ASIC5: variants seen among roughly 807,000 people sequenced by gnomAD.
The protein encoded by ASIC5 is acid sensing ion channel subunit family member 5, also known as bile acid-sensitive ion channel.
ASIC5 carries 52 observed loss-of-function variants against 51.2 expected under a neutral mutation model. The ratio of observed to expected loss-of-function variants is 1.02; its 90% confidence interval spans 0.81 to 1.28. The LOEUF (loss-of-function observed/expected upper bound fraction) is 1.28, where lower values mean the gene tolerates loss of function less well. Among genes scored for constraint, ASIC5 ranks in the 50% most tolerant of loss-of-function variants. ASIC5 has a pLI of 0.00. For synonymous variants in ASIC5, 231 were observed against 200.7 expected (o/e 1.15, Z -1.28); for missense variants, 635 against 595.0 (o/e 1.07, Z -0.70).
chr4:155,850,846 T>C (rs1333193384), intron 4 of ASIC5, among the ~76,000 whole-genome samples: 2 of 152,054 alleles, frequency 1.3e-5, no homozygotes, highest in African/African-American at 4.8e-5. Context: ...AAATCTTTTG[T>C]CAGATGAAGA....
At chr4:155,850,752 C>T (rs1031223213) in intron 4 of ASIC5, among the ~76,000 whole-genome samples, 7 of 151,882 alleles carry the variant, frequency 4.6e-5, no homozygotes, top group Non-Finnish European at 7.4e-5. Flanking sequence ...AATTAAAATC[C>T]CTGCCCTTAT....
chr4:155,841,841 C>A (rs1325989534), intron 6 of ASIC5, among the ~76,000 whole-genome samples: 1 of 151,962 alleles, frequency 6.6e-6, no homozygotes, highest in African/African-American at 2.4e-5. Context: ...ATTTGTCAGT[C>A]GAAGTTGTAC....
intron 5 of ASIC5, 118 bp downstream of exon 5, chr4:155,843,563 T>G (rs1741169983): frequency 1.8e-6 from 2 of 1,108,614 alleles, no homozygotes; most frequent in Admixed American, 4.8e-5. Context: ...AAATGAAATT[T>G]TGGAATTTCT....
intron 6 of ASIC5, among the ~76,000 whole-genome samples, chr4:155,840,829 T>C (rs1741100384): frequency 6.6e-6 from 1 of 152,060 alleles, no homozygotes; most frequent in African/African-American, 2.4e-5. Flanking sequence ...ATTACTATTG[T>C]AAAAGCTAAG....
At chr4:155,852,405 A>G (rs1456581851) in intron 3 of ASIC5, 89 bp from the exon 4 acceptor site, 4 of 1,115,022 alleles carry the variant, frequency 3.6e-6, no homozygotes, top group African/African-American at 3.2e-5. Context: ...TTTAAAGCAC[A>G]AATACCTAAC....
At chr4:155,836,263 T>C (rs1410529824) in intron 8 of ASIC5, among the ~76,000 whole-genome samples, 2 of 152,222 alleles carry the variant, frequency 1.3e-5, no homozygotes, top group African/African-American at 4.8e-5. Context: ...GAACCATTTC[T>C]TAAAATACGA....
At chr4:155,861,008 C>T (rs1169319189) in intron 2 of ASIC5, among the ~76,000 whole-genome samples, 4 of 151,634 alleles carry the variant, frequency 2.6e-5, no homozygotes, top group Non-Finnish European at 5.9e-5. Flanking sequence ...TCTTCTTTGA[C>T]TTCTTTGTTA....
At chr4:155,830,148 T>A in intron 9 of ASIC5, 102 bp from the exon 10 acceptor site, 1 of 705,034 alleles carries the variant, frequency 1.4e-6, no homozygotes, top group Non-Finnish European at 2.3e-6. Context: ...ATAACTGAGA[T>A]GAAGATTGGT....
At chr4:155,853,978 G>T in intron 3 of ASIC5, 99 bp downstream of exon 3, 1 of 897,188 alleles carries the variant, frequency 1.1e-6, no homozygotes, top group South Asian at 1.6e-5. Context: ...AATTTGGATT[G>T]ATTCACCATG....
At chr4:155,855,659 A>G (rs1741517461) in intron 2 of ASIC5, among the ~76,000 whole-genome samples, 1 of 150,522 alleles carries the variant, frequency 6.6e-6, no homozygotes, top group East Asian at 1.9e-4. Context: ...TGTGTCCCAG[A>G]TTTTATTTCT....
chr4:155,863,846 A>G, intron 1 of ASIC5, 92 bp from the exon 2 acceptor site: 2 of 1,006,234 alleles, frequency 2.0e-6, no homozygotes, highest in Non-Finnish European at 2.9e-6. Flanking sequence ...ACATAATTTA[A>G]AGAGGTGACT....
intron 8 of ASIC5, among the ~76,000 whole-genome samples, chr4:155,833,805 T>C (rs1011270841): frequency 2.0e-5 from 3 of 152,224 alleles, no homozygotes; most frequent in Non-Finnish European, 4.4e-5. Context: ...CTCAGGCAGT[T>C]GTTTTGTCCA....
Position 155,866,174 on chromosome 4 carries a change from A to ACT in ASIC5, c.40+11_40+12dup. 1 of 1,568,992 alleles carries ACT rather than the reference A, an allele frequency of 6.4e-7. No homozygotes were observed. Among genetic ancestry groups the ACT allele is most frequent in the Non-Finnish European group, 8.8e-7 (1 of 1,140,910 alleles). ...AAAATATTACTGCTCTGAGGAGTTCACTCTTTACTCACCGTTCTCAGCATA... is the reference window on the plus strand; with the variant it reads ...AAAATATTACTGCTCTGAGGAGTTCACTCTCTTTACTCACCGTTCTCAGCATA... On this transcript the variant is annotated intron_variant, in intron 1 of 9. Transcript: ENST00000537611.
At chr4:155,844,537 C>T (rs189709146) in intron 4 of ASIC5, among the ~76,000 whole-genome samples, 30 of 152,038 alleles carry the variant, frequency 2.0e-4, no homozygotes, top group African/African-American at 5.8e-4. Flanking sequence ...ACACTTAGAG[C>T]GCTCAGAAAT....
chr4:155,842,459 T>C (rs72956406), intron 5 of ASIC5, 105 bp from the exon 6 acceptor site: 66,919 of 1,180,164 alleles, frequency 0.057, 3,540 homozygotes, highest in African/African-American at 0.23. Flanking sequence ...CAGAGCTCTT[T>C]GATTTTCAAA....
intron 4 of ASIC5, among the ~76,000 whole-genome samples, chr4:155,851,141 G>A (rs749141461): frequency 1.3e-5 from 2 of 151,884 alleles, no homozygotes; most frequent in African/African-American, 4.8e-5. Context: ...GATGTTCATT[G>A]CATTCTAAAA....
intron 4 of ASIC5, among the ~76,000 whole-genome samples, chr4:155,848,647 T>G (rs965119602): frequency 2.6e-5 from 4 of 152,088 alleles, no homozygotes; most frequent in African/African-American, 9.7e-5. Flanking sequence ...TGCTCATGTT[T>G]TGGTCCTCTT....
At chr4:155,851,591 G>C in intron 4 of ASIC5, among the ~76,000 whole-genome samples, 1 of 151,954 alleles carries the variant, frequency 6.6e-6, no homozygotes, top group East Asian at 1.9e-4. Flanking sequence ...AATCTTGGGT[G>C]GGAGCTATAC....
intron 2 of ASIC5, chr4:155,858,926 A>G (rs1227338038): frequency 1.3e-5 from 2 of 152,052 alleles, no homozygotes; most frequent in Non-Finnish European, 2.9e-5. Context: ...TTCTAGTTCT[A>G]TATTTGTCCT....
Sources: gnomAD v4.1 joint callset for allele counts (sites outside exome capture counted in the v4.1 genomes callset) on GRCh38, gnomAD v4.1.1 for gene constraint, MANE v1.5 for transcripts, NCBI Gene and HGNC (gene_info 2026-07-23, HGNC 2026-07-21) for gene names.